Variants in LRP1B observed in about 807,000 individuals in gnomAD.
The protein encoded by LRP1B is LDL receptor related protein 1B, also known as low-density lipoprotein receptor-related protein 1B.
A neutral mutation model predicts 556.6 loss-of-function variants in LRP1B; 217 were observed. The ratio of observed to expected loss-of-function variants is 0.39; its 90% CI spans 0.35 to 0.44. The LOEUF (loss-of-function observed/expected upper bound fraction) is 0.44. Among genes scored for constraint, LRP1B ranks in the 20% least tolerant of loss-of-function variants. LRP1B has a pLI of 1.00. For missense variants in LRP1B, 5,053 were observed against 5,620.8 expected, an observed-to-expected ratio of 0.90 and a Z score of 3.23; for synonymous variants, 2,047 against 1,865.8, an observed-to-expected ratio of 1.10 and a Z score of -2.50.
chr2:141,034,963 TCC>T (rs1698487962), intron 11 of LRP1B, among the ~76,000 whole-genome samples: 1 of 151,878 alleles, frequency 6.6e-6, no homozygotes, highest in Admixed American at 6.6e-5. Context: ...AACCCAAATG[TCC>T]AACAATGATA....
At chr2:141,294,559 CAA>C (rs112120846) in intron 3 of LRP1B, among the ~76,000 whole-genome samples, 2 of 139,464 alleles carry the variant, frequency 1.4e-5, no homozygotes, top group Non-Finnish European at 1.6e-5. Context: ...CCTGACTCTA[CAA>C]AAAAAAAAAT....
intron 33 of LRP1B, among the ~76,000 whole-genome samples, chr2:140,772,199 C>T (rs903959723): frequency 1.3e-5 from 2 of 151,910 alleles, no homozygotes; most frequent in Non-Finnish European, 2.9e-5. Flanking sequence ...CTGATTCATT[C>T]CACATTTTTC....
chr2:140,883,735 TGATGA>T, intron 25 of LRP1B, 77 bp downstream of exon 25: 1 of 1,244,682 alleles, frequency 8.0e-7, no homozygotes, highest in Non-Finnish European at 1.1e-6. Flanking sequence ...GACTCATAAT[TGATGA>T]GATAATTAAA....
intron 2 of LRP1B, among the ~76,000 whole-genome samples, chr2:141,709,011 A>T (rs537324629): frequency 1.3e-5 from 2 of 152,270 alleles, no homozygotes; most frequent in South Asian, 2.1e-4. Context: ...TAGCAAATTA[A>T]TACATTATCC....
intron 3 of LRP1B, among the ~76,000 whole-genome samples, chr2:141,314,475 A>G (rs1260644559): frequency 6.6e-6 from 1 of 152,108 alleles, no homozygotes; most frequent in Admixed American, 6.5e-5. Context: ...TAAAGCAACT[A>G]AACTGAGATT....
At chr2:141,305,684 C>T (rs1686560928) in intron 3 of LRP1B, among the ~76,000 whole-genome samples, 1 of 152,100 alleles carries the variant, frequency 6.6e-6, no homozygotes, top group Non-Finnish European at 1.5e-5. Flanking sequence ...AAAGGAAAGG[C>T]TTTAAACTTT....
At chr2:141,947,347 G>A (rs893123366) in intron 1 of LRP1B, among the ~76,000 whole-genome samples, 2 of 152,038 alleles carry the variant, frequency 1.3e-5, no homozygotes, top group East Asian at 3.9e-4. Context: ...TGAGGCAGGA[G>A]AATTGCTTAA....
chr2:140,598,881 GA>G (rs1295125988), intron 42 of LRP1B, 46 bp from the exon 43 acceptor site: 1 of 1,289,586 alleles, frequency 7.8e-7, no homozygotes, highest in Non-Finnish European at 1.1e-6. Context: ...TTCTCATCAA[GA>G]GTAAAAATAC....
intron 84 of LRP1B, among the ~76,000 whole-genome samples, chr2:140,296,467 G>C (rs548258051): frequency 9.9e-5 from 15 of 152,196 alleles, no homozygotes; most frequent in Admixed American, 3.9e-4. Context: ...CTGTCAAATA[G>C]ACAATTAGGT....
chr2:140,767,623 CTTATA>C (rs562736700), intron 35 of LRP1B, among the ~76,000 whole-genome samples: 103 of 151,182 alleles, frequency 6.8e-4, no homozygotes, highest in African/African-American at 1.7e-3. Context: ...GATCAAATTG[CTTATA>C]TTATTTTATT....
At position 140,492,643 on chromosome 2, in the gene LRP1B, T is replaced by C. The variant is rs779643920; in HGVS notation, c.9085A>G (p.Ser3029Gly). The C allele has an allele frequency of 1.2e-6, 2 of 1,613,770 alleles. No homozygotes were observed. The highest frequency in any genetic ancestry group is 1.1e-5 in the South Asian group (1 of 91,072). ...LADHHEIRKI[S>G]TDGSNYTLLK... The stretch of plus-strand genomic sequence containing the variant: ...AGTGTGTAGTTGGAGCCATCAGTGC[T>C]AATTTTCCTTATCTCATGATGATCA... Residue 3029 changes from serine (S) to glycine (G), a missense_variant, in exon 57 of 91, where the codon AGC becomes GGC. By Grantham distance (56) the Ser-to-Gly change is moderately conservative. Coordinates refer to ENST00000389484, the MANE Select transcript of LRP1B (RefSeq NM_018557.3).
In LRP1B at chr2:142,044,221, A is replaced by G. The variant is rs72990357; in HGVS notation, c.82+86427T>C. On this transcript the variant is annotated intron_variant, in intron 1 of 90. Coordinates refer to ENST00000389484, the MANE Select transcript of LRP1B (RefSeq NM_018557.3). ...CAACCCCTTGCTTTATTTGTGCATT[A>G]AAGGAAAAAGGAATTAGATTCTTCT... Among the ~76,000 whole-genome samples the G allele has an allele frequency of 5.6e-3, 848 of 151,882 alleles. 6 individuals carry two copies. The highest frequency in any genetic ancestry group is 0.019 in the African/African-American group (801 of 41,500).
intron 1 of LRP1B, among the ~76,000 whole-genome samples, chr2:141,987,548 T>A (rs990853342): frequency 9.9e-5 from 5 of 50,400 alleles, no homozygotes; most frequent in African/African-American, 2.6e-4. Context: ...TGATTTAAGC[T>A]GTTTTTTTTT....
intron 32 of LRP1B, among the ~76,000 whole-genome samples, chr2:140,812,723 G>A (rs1573751896): frequency 2.0e-5 from 3 of 151,702 alleles, no homozygotes; most frequent in African/African-American, 7.3e-5. Flanking sequence ...GTATTCAAAT[G>A]GGCTTTTCAT....
At chr2:141,526,368 A>C (rs1412581099) in intron 2 of LRP1B, among the ~76,000 whole-genome samples, 1 of 152,058 alleles carries the variant, frequency 6.6e-6, no homozygotes, top group Non-Finnish European at 1.5e-5. Flanking sequence ...AAAGGCAAAA[A>C]TCCATAAGTC....
At chr2:141,814,830 G>A (rs1696477551) in intron 1 of LRP1B, among the ~76,000 whole-genome samples, 1 of 152,130 alleles carries the variant, frequency 6.6e-6, no homozygotes, top group Non-Finnish European at 1.5e-5. Context: ...AGAAATAGGT[G>A]TAGATTAAAT....
intron 29 of LRP1B, among the ~76,000 whole-genome samples, chr2:140,843,000 G>C (rs1486121724): frequency 7.0e-6 from 1 of 143,552 alleles, no homozygotes; most frequent in African/African-American, 2.6e-5. Flanking sequence ...GGATTTCTTG[G>C]TATTGGCAAA....
chr2:141,018,329 G>T (rs2105394043), intron 12 of LRP1B, among the ~76,000 whole-genome samples: 1 of 152,132 alleles, frequency 6.6e-6, no homozygotes, highest in African/African-American at 2.4e-5. Flanking sequence ...TAAATAATAT[G>T]TATTGCACTT....
chr2:140,771,051 A>T lies in LRP1B; in HGVS notation c.5501-45T>A, dbSNP rs756401370. 25 of 1,461,236 alleles carry T rather than the reference A, an allele frequency of 1.7e-5. 1 individual carries two copies. The highest frequency in any genetic ancestry group is 1.3e-4 in the South Asian group (10 of 76,152). 90.5% of individuals were successfully genotyped at this position (1,461,236 alleles called of 1,614,324 possible). A position where few individuals can be genotyped will look rare whatever the true frequency, so the allele number is the denominator to read the frequency against. ...AACAAATTTCTTTAATGAAATTTTT[A>T]AAAAATAAAGTTTTATTTAACGTCA... On this transcript the variant is annotated intron_variant, in intron 33 of 90. Coordinates refer to ENST00000389484, the MANE Select transcript of LRP1B (RefSeq NM_018557.3).
Sources: allele counts gnomAD v4.1 joint callset (sites outside exome capture counted in the v4.1 genomes callset), GRCh38; gene constraint gnomAD v4.1.1; transcripts MANE v1.5; gene names NCBI Gene and HGNC (gene_info 2026-07-23, HGNC 2026-07-21).